Variants in SLC36A4 observed in about 807,000 individuals in gnomAD.
SLC36A4 encodes the protein neutral amino acid uniporter 4.
In SLC36A4, 49 loss-of-function variants were observed where a neutral mutation model predicts 50.5. That is an observed-to-expected ratio of 0.97 (90% confidence interval 0.77 to 1.23). The LOEUF is 1.23. SLC36A4 is among the 50% of genes most tolerant of loss of function. SLC36A4 has a pLI of 0.00. For missense variants in SLC36A4, 611 were observed against 608.4 expected, an observed-to-expected ratio of 1.00 and a Z score of -0.05; for synonymous variants, 207 against 206.5, an observed-to-expected ratio of 1.00 and a Z score of -0.02.
intron 6 of SLC36A4, among the ~76,000 whole-genome samples, chr11:93,174,838 G>A (rs1334003656): frequency 1.0e-5 from 1 of 100,102 alleles, no homozygotes; most frequent in Non-Finnish European, 2.2e-5. Flanking sequence ...TGTGCTGCTG[G>A]ATTTGGTTTG....
chr11:93,172,631 T>C (rs1211177658), intron 6 of SLC36A4, among the ~76,000 whole-genome samples: 1 of 145,934 alleles, frequency 6.9e-6, no homozygotes, highest in Non-Finnish European at 1.5e-5. Flanking sequence ...GAGTGTGATA[T>C]TCCCCTTCCT....
chr11:93,177,758 C>CCA, intron 6 of SLC36A4, among the ~76,000 whole-genome samples: 1 of 152,154 alleles, frequency 6.6e-6, no homozygotes, highest in African/African-American at 2.4e-5. Context: ...GGGGACCCGG[C>CCA]TGTATGAGAT....
In SLC36A4 at chr11:93,182,800, AT is replaced by A. The variant is rs751938541; in HGVS notation, c.359+5del. 4.4e-6 allele frequency: 7 copies of A among 1,596,692 alleles called. No individual in the cohort carries two copies. In the South Asian group the frequency reaches 7.8e-5, roughly 18 times the overall value. ...AAATAAATAGGCTTAACAAATCCAC[AT>A]TTACCTCAGACATAGAAAGTGACTG... On this transcript the variant is annotated splice_donor_5th_base_variant and intron_variant, in intron 4 of 10. Coordinates refer to ENST00000326402, the MANE Select transcript of SLC36A4 (RefSeq NM_152313.4).
chr11:93,195,588 C>T lies in SLC36A4; in HGVS notation c.55+2190G>A, dbSNP rs147004793. Reference sequence around the variant, plus strand: ...TCAATGCAATCCTTTTAAAACAAGGCAGATCATGACACTCCTCTGTTCAAA... The same window carrying T: ...TCAATGCAATCCTTTTAAAACAAGGTAGATCATGACACTCCTCTGTTCAAA... On this transcript the variant is annotated intron_variant, in intron 1 of 10. Transcript: ENST00000326402. Among the ~76,000 whole-genome samples, 366 of 152,318 alleles carry T rather than the reference C, an allele frequency of 2.4e-3. 2 individuals are homozygous for T. The highest frequency in any genetic ancestry group is 4.5e-3 in the Non-Finnish European group (309 of 68,034).
intron 9 of SLC36A4, chr11:93,160,296 T>TA (rs1860561313): frequency 1.0e-6 from 1 of 985,282 alleles, no homozygotes; most frequent in African/African-American, 1.7e-5. Flanking sequence ...TAAAGGGAAA[T>TA]ATGTGTCTTG....
chr11:93,154,157 C>G lies in SLC36A4; in HGVS notation c.1158G>C (p.Trp386Cys), dbSNP rs745427392. ...PGITSKFHTK[W>C]KQICEFGIRS... ...TTATCCCAAATTCACAGATTTGCTT[C>G]CATTTAGTATGAAATTTGGATGTGA... Residue 386 changes from tryptophan to cysteine, a missense_variant, in exon 10 of 11, where the codon TGG (tryptophan) becomes TGC (cysteine). Physicochemically the swap from Trp to Cys is radical, Grantham distance 215. Coordinates refer to ENST00000326402, the MANE Select transcript of SLC36A4 (RefSeq NM_152313.4). 6.4e-7 allele frequency: 1 copy of G among 1,563,796 alleles called. No individual in the cohort carries two copies. The highest frequency in any genetic ancestry group is 8.6e-7 in the Non-Finnish European group (1 of 1,158,096).
intron 9 of SLC36A4, among the ~76,000 whole-genome samples, chr11:93,162,442 G>C (rs1328945163): frequency 6.6e-6 from 1 of 151,272 alleles, no homozygotes; most frequent in East Asian, 1.9e-4. Context: ...CTGAGTAGCT[G>C]GGATTATAGG....
rs117496062 is a variant in SLC36A4 at position 93,159,028 on chromosome 11, G to A, written c.1037+3678C>T. ...CCTTCAATGCACTTAGTATTAATAGGTGATTGATACTTATTAAATATTAAT... is the reference window on the plus strand; with the variant it reads ...CCTTCAATGCACTTAGTATTAATAGATGATTGATACTTATTAAATATTAAT... On this transcript the variant is annotated intron_variant, in intron 9 of 10. Coordinates refer to ENST00000326402, the MANE Select transcript of SLC36A4 (RefSeq NM_152313.4). 1.1e-3 allele frequency among the ~76,000 whole-genome samples: 160 copies of A among 152,092 alleles called. 1 individual carries two copies. In the East Asian group the frequency reaches 0.029, roughly 27 times the overall value.
intron 7 of SLC36A4, chr11:93,167,138 G>A (rs1351652742): frequency 6.6e-6 from 1 of 151,932 alleles, no homozygotes; most frequent in Non-Finnish European, 1.5e-5. Context: ...TACAACTTTT[G>A]AAAATCAAAG....
chr11:93,178,524 C>A (rs1354823465), intron 6 of SLC36A4, among the ~76,000 whole-genome samples: 1 of 152,124 alleles, frequency 6.6e-6, no homozygotes, highest in Non-Finnish European at 1.5e-5. Context: ...CATCTTGGAA[C>A]CGGCGAGTAG....
rs981669754 is a variant in SLC36A4 at position 93,146,704 on chromosome 11, T to C, written c.*1833A>G. The C allele has an allele frequency of 2.0e-5, 3 of 152,106 alleles. No individual in the cohort carries two copies. The highest frequency in any genetic ancestry group is 1.9e-4 in the East Asian group (1 of 5,182). The allele number at this position is 152,106 out of a possible 1,614,324, so 9.4% of individuals were successfully genotyped here. A position where few individuals can be genotyped will look rare whatever the true frequency, so the allele number is the denominator to read the frequency against. On this transcript the variant is annotated 3_prime_UTR_variant, in exon 11 of 11. Coordinates refer to ENST00000326402, the MANE Select transcript of SLC36A4 (RefSeq NM_152313.4). ...CTTGATGATATCTTCAAGTATGGTA[T>C]ACTAACAAACTAGAGTATCACCAGC...
chr11:93,158,299 CTAAT>C (rs1417915399), intron 9 of SLC36A4, among the ~76,000 whole-genome samples: 1 of 151,918 alleles, frequency 6.6e-6, no homozygotes, highest in South Asian at 2.1e-4. Context: ...ATTCCTTTTT[CTAAT>C]TAATTATCTT....
chr11:93,172,480 T>G (rs958496194), intron 6 of SLC36A4, among the ~76,000 whole-genome samples: 39 of 151,472 alleles, frequency 2.6e-4, no homozygotes, highest in Non-Finnish European at 4.1e-4. Flanking sequence ...AGTTTTAGGG[T>G]ACATGTGCAC....
At chr11:93,195,165 C>T (rs1413118551) in intron 1 of SLC36A4, among the ~76,000 whole-genome samples, 2 of 151,072 alleles carry the variant, frequency 1.3e-5, no homozygotes, top group Non-Finnish European at 2.9e-5. Flanking sequence ...TACATCATCA[C>T]TTCTACCATA....
At chr11:93,169,187 A>G (rs1216834146) in intron 6 of SLC36A4, among the ~76,000 whole-genome samples, 1 of 152,136 alleles carries the variant, frequency 6.6e-6, no homozygotes, top group East Asian at 1.9e-4. Context: ...ACTGAACTAC[A>G]TGCTTTATAT....
intron 10 of SLC36A4, among the ~76,000 whole-genome samples, chr11:93,153,595 G>C (rs957773593): frequency 6.6e-6 from 1 of 151,982 alleles, no homozygotes; most frequent in Non-Finnish European, 1.5e-5. Flanking sequence ...TATTATGAAT[G>C]CTACCTTGAG....
At chr11:93,166,505 G>T in intron 7 of SLC36A4, 1 of 688,932 alleles carries the variant, frequency 1.5e-6, no homozygotes, top group Non-Finnish European at 1.8e-6. Flanking sequence ...CCCAAAACAG[G>T]TTTCCTTCTT....
chr11:93,162,629 AGAACACGACTTTATCAT>A, intron 9 of SLC36A4, 60 bp downstream of exon 9: 1 of 1,242,716 alleles, frequency 8.0e-7, no homozygotes, highest in Admixed American at 2.4e-5. Context: ...CATAAATCCA[AGAACACGACTTTATCAT>A]CAAACAGTGG....
At chr11:93,164,190 G>GCATGTATAATAACC (rs1409459561) in intron 8 of SLC36A4, among the ~76,000 whole-genome samples, 1 of 152,228 alleles carries the variant, frequency 6.6e-6, no homozygotes, top group Non-Finnish European at 1.5e-5. Flanking sequence ...GGAAGTATAT[G>GCATGTATAATAACC]CATGTATACT....
Sources: allele counts gnomAD v4.1 joint callset (sites outside exome capture counted in the v4.1 genomes callset), GRCh38; gene constraint gnomAD v4.1.1; transcripts MANE v1.5; gene names NCBI Gene and HGNC (gene_info 2026-07-23, HGNC 2026-07-21).